The following CFAP74 variants were observed in gnomAD, a reference collection of about 807,000 sequenced individuals.
The protein encoded by CFAP74 is cilia- and flagella-associated protein 74.
Under a neutral mutation model 188.9 loss-of-function variants are expected in CFAP74, and 124 were observed. The observed-to-expected ratio is 0.66, with a 90% CI of 0.57 to 0.76. CFAP74 has a LOEUF of 0.76. Ranked by LOEUF, CFAP74 falls within the 30% of genes least tolerant of loss-of-function variation. The probability of loss-of-function intolerance (pLI) is 0.00; values close to 1 mark genes in which losing one functional copy is unlikely to be tolerated. For missense variants in CFAP74, 2,198 were observed against 2,165.2 expected (o/e 1.02, Z -0.30); for synonymous variants, 956 against 916.7 (o/e 1.04, Z -0.77).
chr1:1,926,334 A>G lies in CFAP74; in HGVS notation c.3842T>C (p.Leu1281Pro), dbSNP rs1474167966. The change falls in exon 32 of 39, where the codon CTG becomes CCG. Residue 1281 changes from leucine (L) to proline (P), a missense_variant. Coordinates refer to ENST00000682832, the MANE Select transcript of CFAP74 (RefSeq NM_001304360.2). ...GACAAAGGGGCCGTTGGGGTTCAGCAGGGAGAAGTCCAGCTGAGGGTCCAC... is the reference window on the plus strand; with the variant it reads ...GACAAAGGGGCCGTTGGGGTTCAGCGGGGAGAAGTCCAGCTGAGGGTCCAC... ...SPEDLALDFSLLNPNGPFVLL... is the reference protein window; with the variant it reads ...SPEDLALDFSPLNPNGPFVLL... 6.5e-7 allele frequency: 1 copy of G among 1,548,366 alleles called. No homozygotes were observed. Among genetic ancestry groups the G allele is most frequent in the East Asian group, 2.4e-5 (1 of 40,888 alleles).
At chr1:1,955,913 C>T in intron 17 of CFAP74, 63 bp from the exon 18 acceptor site, 1 of 1,545,624 alleles carries the variant, frequency 6.5e-7, no homozygotes, top group Non-Finnish European at 8.7e-7. Flanking sequence ...CAGTCAGCTG[C>T]CGGAACTCCC....
chr1:1,970,911 GCACACGTGCA>G (rs1261871748), intron 9 of CFAP74, 95 bp from the exon 10 acceptor site: 82 of 1,444,968 alleles, frequency 5.7e-5, no homozygotes, highest in Admixed American at 1.9e-4. Flanking sequence ...GTTCATACAT[GCACACGTGCA>G]CACACGTGCA....
At position 1,956,767 on chromosome 1, in the gene CFAP74, C is replaced by T. The variant is rs945601121; in HGVS notation, c.1869G>A (p.Glu623=). Residue 623 remains glutamate (E), a synonymous_variant, in exon 17 of 39, where the codon GAG becomes GAA. Coordinates refer to ENST00000682832, the MANE Select transcript of CFAP74 (RefSeq NM_001304360.2). The part of the protein sequence containing the change: ...TKKCSLSLDK[E]LIDFGSYVVG... ...CCACGTAGCTGCCGAAGTCAATGAG[C>T]TCCTTGTCGAGGGACAGCTGCCAGA... 6.2e-7 allele frequency: 1 copy of T among 1,613,122 alleles called. No individual in the cohort carries two copies. The highest frequency in any genetic ancestry group is 1.7e-5 in the Admixed American group (1 of 59,922).
chr1:1,972,015 C>T lies in CFAP74; in HGVS notation c.853G>A (p.Val285Met), dbSNP rs1656118803. Residue 285 changes from valine to methionine, a missense_variant, in exon 9 of 39, where the codon GTG (valine) becomes ATG (methionine). Physicochemically the swap from Val to Met is conservative, Grantham distance 21. Transcript: ENST00000682832. Reference sequence around the variant, plus strand: ...GAGATGCTGCCCTTCAGCGCCACCACCGCATCCATGCGTCGCCTCATGTAC... The same window carrying T: ...GAGATGCTGCCCTTCAGCGCCACCATCGCATCCATGCGTCGCCTCATGTAC... ...HEYMRRRMDA[V>M]VALKGSISAN... The T allele has an allele frequency of 6.2e-7, 1 of 1,612,474 alleles. No homozygotes were observed. The highest frequency in any genetic ancestry group is 1.3e-5 in the African/African-American group (1 of 74,934).
intron 25 of CFAP74, 58 bp downstream of exon 25, chr1:1,938,797 G>T: frequency 3.3e-6 from 5 of 1,514,018 alleles, no homozygotes; most frequent in Non-Finnish European, 4.4e-6. Flanking sequence ...TGGGAAGGGG[G>T]GCCCCTCCTG....
intron 9 of CFAP74, 132 bp from the exon 10 acceptor site, chr1:1,970,948 T>C (rs982405676): frequency 1.0e-5 from 11 of 1,056,096 alleles, no homozygotes; most frequent in Admixed American, 2.1e-5. Flanking sequence ...CATGCACACC[T>C]GCACATGCAC....
rs1251727740 is a variant in CFAP74, at chr1:1,923,971, A to C, written c.4235-42T>G. ...GTGCAGTTTGGCCTTCTCCACCTGC[A>C]ATCACTGTCTGCCCTCCAAGCCTTG... is the stretch of plus-strand genomic sequence containing the variant. On this transcript the variant is annotated intron_variant, in intron 34 of 38. Coordinates refer to ENST00000682832, the MANE Select transcript of CFAP74 (RefSeq NM_001304360.2). The surrounding 1 kb of genome is among the most constrained non-coding windows in gnomAD (Gnocchi z 6.3). 1 of 1,575,712 alleles carries C rather than the reference A, an allele frequency of 6.3e-7. No individual in the cohort carries two copies. The highest frequency in any genetic ancestry group is 1.2e-5 in the South Asian group (1 of 84,070).
intron 9 of CFAP74, 152 bp from the exon 10 acceptor site, chr1:1,970,968 ATGCACACCTGCACACACG>A (rs909660485): frequency 3.3e-6 from 3 of 896,212 alleles, no homozygotes; most frequent in East Asian, 2.5e-5. Context: ...CACATCACAC[ATGCACACCTGCACACACG>A]TGCACACACA....
intron 1 of CFAP74, among the ~76,000 whole-genome samples, chr1:2,002,543 T>A (rs1658258307): frequency 6.6e-6 from 1 of 150,966 alleles, no homozygotes; most frequent in South Asian, 2.1e-4. Flanking sequence ...TAGCCAGGCA[T>A]GCTATAATCC....
At chr1:1,988,796 A>G (rs1180885956) in intron 3 of CFAP74, 93 bp downstream of exon 3, 9 of 1,074,024 alleles carry the variant, frequency 8.4e-6, no homozygotes, top group Admixed American at 4.4e-5. Flanking sequence ...GGGAGGGAGG[A>G]AGCAGCCGCC....
In CFAP74 at chr1:1,927,433, G is replaced by A. The variant is rs907576932; in HGVS notation, c.3527+174C>T. On this transcript the variant is annotated intron_variant, in intron 28 of 38. Coordinates refer to ENST00000682832, the MANE Select transcript of CFAP74 (RefSeq NM_001304360.2). ...GGTGTCAGGCCTGGGGAAATGGGGT[G>A]GGTAGGTCCCAGGAAGGCAGCACCT... The A allele has an allele frequency of 6.1e-6, 4 of 654,696 alleles. No individual in the cohort carries two copies. In the African/African-American group the frequency reaches 7.3e-5, roughly 12 times the overall value. 40.6% of individuals were successfully genotyped at this position (654,696 alleles called of 1,614,324 possible). A position where few individuals can be genotyped will look rare whatever the true frequency, so the allele number is the denominator to read the frequency against.
chr1:1,970,489 G>A (rs1025933658), intron 10 of CFAP74, among the ~76,000 whole-genome samples, 170 bp downstream of exon 10: 10 of 152,198 alleles, frequency 6.6e-5, no homozygotes, highest in African/African-American at 2.4e-4. Flanking sequence ...GGCCCAGGCA[G>A]GGCAAGGGTA....
rs1273285772 is a variant in CFAP74, at chr1:1,930,242, T to C, written c.3106A>G (p.Thr1036Ala). The C allele has an allele frequency of 1.2e-5, 19 of 1,535,002 alleles. No individual in the cohort carries two copies. Among genetic ancestry groups the C allele is most frequent in the Non-Finnish European group, 1.6e-5 (18 of 1,146,574 alleles). The part of the protein sequence containing the change: ...IKFAATALYD[T>A]SVATVYVINS... ...ATGACGTACACTGTAGCCACGGAGGTGTCGTATAGGGCCGTGGCGGCAAAC... is the reference window on the plus strand; with the variant it reads ...ATGACGTACACTGTAGCCACGGAGGCGTCGTATAGGGCCGTGGCGGCAAAC... Residue 1036 changes from threonine (T) to alanine (A), a missense_variant, in exon 26 of 39, where the codon ACC becomes GCC. Transcript: ENST00000682832.
rs191088230 is a variant in CFAP74 at position 1,976,025 on chromosome 1, C to T, written c.501-1827G>A. Among the ~76,000 whole-genome samples the T allele has an allele frequency of 6.6e-5, 10 of 152,304 alleles. No homozygotes were observed. The East Asian group carries it at 7.7e-4, about 12-fold the overall frequency. On this transcript the variant is annotated intron_variant, in intron 6 of 38. Transcript: ENST00000682832. ...TCCAAGGTCAAGGTGCCAGCAGCTT[C>T]GATGGCCTATGAAAGCCTGTTCCTC...
In CFAP74 at chr1:1,941,091, C is replaced by T. The variant is rs565740081; in HGVS notation, c.2616-688G>A. On this transcript the variant is annotated intron_variant, in intron 22 of 38. Transcript: ENST00000682832. ...TAGTGCCACTGCACTCCAGCCTGGG[C>T]GACAGAGCGAGACTCTGTCTCAAAA... Among the ~76,000 whole-genome samples the T allele has an allele frequency of 1.4e-3, 208 of 151,616 alleles. 1 individual carries two copies. Among genetic ancestry groups the T allele is most frequent in the African/African-American group, 4.8e-3 (196 of 41,142 alleles).
intron 18 of CFAP74, among the ~76,000 whole-genome samples, chr1:1,950,995 G>A (rs1199896412): frequency 2.0e-5 from 3 of 152,126 alleles, no homozygotes; most frequent in African/African-American, 7.2e-5. Flanking sequence ...ACAGTGTGAG[G>A]AACGAATTAA....
intron 9 of CFAP74, among the ~76,000 whole-genome samples, chr1:1,971,270 CA>C (rs1407417870): frequency 6.8e-6 from 1 of 147,044 alleles, no homozygotes; most frequent in African/African-American, 2.7e-5. Flanking sequence ...CACACACATG[CA>C]AACCTGCACA....
intron 25 of CFAP74, among the ~76,000 whole-genome samples, chr1:1,936,389 C>T (rs1652898924): frequency 6.9e-6 from 1 of 144,924 alleles, no homozygotes; most frequent in Non-Finnish European, 1.5e-5. Context: ...ACTAAAAATA[C>T]AAAAATTAGC....
intron 25 of CFAP74, among the ~76,000 whole-genome samples, chr1:1,937,774 C>T (rs886227297): frequency 1.4e-5 from 2 of 145,364 alleles, no homozygotes; most frequent in African/African-American, 2.5e-5. Context: ...CTTATCCCGC[C>T]CTCAGGCTCA....
Sources: allele counts gnomAD v4.1 joint callset (sites outside exome capture counted in the v4.1 genomes callset), GRCh38; gene constraint gnomAD v4.1.1; non-coding constraint Gnocchi (gnomAD v3.1); transcripts MANE v1.5; gene names NCBI Gene and HGNC (gene_info 2026-07-23, HGNC 2026-07-21).